The following OOEP variants were observed in gnomAD, a reference collection of about 807,000 sequenced individuals.
The protein encoded by OOEP is oocyte expressed protein.
A neutral mutation model predicts 13.7 loss-of-function variants in OOEP; 16 were observed. The ratio of observed to expected loss-of-function variants is 1.16; its 90% CI spans 0.79 to 1.77. OOEP has a LOEUF of 1.77. OOEP is among the 40% of genes most tolerant of loss of function. OOEP has a pLI of 0.00. For synonymous variants in OOEP, 89 were observed against 77.1 expected (o/e 1.15, Z -0.81); for missense variants, 195 against 193.1 (o/e 1.01, Z -0.06).
upstream of OOEP, among the ~76,000 whole-genome samples, chr6:73,374,856 G>A (rs1216987158): frequency 2.6e-5 from 4 of 152,102 alleles, no homozygotes; most frequent in African/African-American, 9.7e-5. Context: ...ACAGAGTCTC[G>A]CTCTTGTCGC....
At chr6:73,394,428 C>G (rs946455387) in exon 2 of OOEP, 3 of 710,188 alleles carry the variant, frequency 4.2e-6, no homozygotes, top group Non-Finnish European at 7.8e-6. Context: ...GCTGGAAGAT[C>G]ACTTGAAGCC....
chr6:73,373,676 G>A (rs1303039138), upstream of OOEP, among the ~76,000 whole-genome samples: 1 of 151,986 alleles, frequency 6.6e-6, no homozygotes, highest in South Asian at 2.1e-4. Context: ...TGCAACCTCC[G>A]CCTCCTGGGT....
chr6:73,381,971 ACT>A (rs1475752806), intron 2 of OOEP, among the ~76,000 whole-genome samples: 1 of 152,114 alleles, frequency 6.6e-6, no homozygotes, highest in Non-Finnish European at 1.5e-5. Flanking sequence ...ATACAGTGAG[ACT>A]CTGTCTCAAA....
At chr6:73,375,452 C>A (rs970073202) in intron 2 of OOEP, among the ~76,000 whole-genome samples, 5 of 151,906 alleles carry the variant, frequency 3.3e-5, no homozygotes, top group Non-Finnish European at 4.4e-5. Context: ...GTGTCTCATG[C>A]CTTGTAGTCC....
chr6:73,375,243 T>C (rs1186875785), intron 2 of OOEP, among the ~76,000 whole-genome samples: 1 of 152,202 alleles, frequency 6.6e-6, no homozygotes, highest in South Asian at 2.1e-4. Flanking sequence ...GGCACCTCTT[T>C]ACTAAGAGAA....
chr6:73,379,667 CTTATTTTACATG>C (rs1197896598), intron 2 of OOEP, among the ~76,000 whole-genome samples: 1 of 123,830 alleles, frequency 8.1e-6, no homozygotes, highest in Non-Finnish European at 1.7e-5. Context: ...AAAAAGTGGC[CTTATTTTACATG>C]TTTGTAAATC....
At chr6:73,381,205 TAAAAAA>T (rs66507015) in intron 2 of OOEP, among the ~76,000 whole-genome samples, 44 of 100,976 alleles carry the variant, frequency 4.4e-4, no homozygotes, top group African/African-American at 1.5e-3. Context: ...AAAAAAGTGT[TAAAAAA>T]AAAAAAAAAA....
chr6:73,374,697 C>T (rs975956805), upstream of OOEP, among the ~76,000 whole-genome samples: 34 of 152,144 alleles, frequency 2.2e-4, no homozygotes, highest in African/African-American at 7.5e-4. Context: ...GCTGGGATTA[C>T]GACATGAGCC....
intron 2 of OOEP, chr6:73,391,296 G>A (rs1330078676): frequency 6.6e-6 from 1 of 152,632 alleles, no homozygotes; most frequent in Non-Finnish European, 1.5e-5. Flanking sequence ...TTATAACAAA[G>A]AGCTTTCTTA....
chr6:73,383,849 A>C (rs1234979167), intron 2 of OOEP, among the ~76,000 whole-genome samples: 1 of 152,128 alleles, frequency 6.6e-6, no homozygotes, highest in Non-Finnish European at 1.5e-5. Context: ...CTGTAATCAC[A>C]CTTTGGGAGG....
chr6:73,369,085 C>T, intron 2 of OOEP, 121 bp downstream of exon 2: 1 of 1,051,400 alleles, frequency 9.5e-7, no homozygotes, highest in Non-Finnish European at 1.4e-6. Flanking sequence ...GTACAGCTAG[C>T]TCCCTGGGGT....
At chr6:73,372,491 C>T (rs188785126), upstream of OOEP, among the ~76,000 whole-genome samples, 1 of 152,318 alleles carries the variant, frequency 6.6e-6, no homozygotes, top group East Asian at 1.9e-4. Flanking sequence ...CCTCCCTGCT[C>T]AGTGAGAGGC....
At chr6:73,380,678 T>G (rs1173706954) in intron 2 of OOEP, among the ~76,000 whole-genome samples, 1 of 152,216 alleles carries the variant, frequency 6.6e-6, no homozygotes, top group Non-Finnish European at 1.5e-5. Flanking sequence ...ATGATTTATA[T>G]AATTTTTAGT....
At chr6:73,394,768 T>C (rs1388555452) in exon 1 of OOEP, 55 of 1,271,834 alleles carry the variant, frequency 4.3e-5, no homozygotes, top group Non-Finnish European at 2.1e-6. Context: ...ATAGAGAGCG[T>C]GGGCGGGGGG....
rs757354898 is a variant in OOEP at position 73,369,267 on chromosome 6, C to T, written c.309G>A (p.Gln103=). 2 of 1,613,966 alleles carry T rather than the reference C, an allele frequency of 1.2e-6. No individual in the cohort carries two copies. The highest frequency in any genetic ancestry group is 1.7e-6 in the Non-Finnish European group (2 of 1,179,884). ...ACAGGAGCATGCTCTTCACCCGATT[C>T]TGTACACGGGGCCGCCCGAAAACGG... ...EITVFGRPRV[Q]NRVKSMLLCL... is the part of the protein sequence containing the mutation. Residue 103 remains glutamine, a synonymous_variant, in exon 2 of 3, where the codon CAG becomes CAA. Transcript: ENST00000370359.
chr6:73,369,403 A>T lies in OOEP; in HGVS notation c.191-18T>A. 1 of 1,604,692 alleles carries T rather than the reference A, an allele frequency of 6.2e-7. No homozygotes were observed. The highest frequency in any genetic ancestry group is 1.7e-5 in the Admixed American group (1 of 58,302). ...GTCTGGGCCTAAACAAGTAAGGAAA[A>T]ACTCTGAGGGGCTGCACGGTGGCAG... On this transcript the variant is annotated intron_variant, in intron 1 of 2. Coordinates refer to ENST00000370359, the MANE Select transcript of OOEP (RefSeq NM_001080507.3).
intron 2 of OOEP, among the ~76,000 whole-genome samples, chr6:73,393,180 G>A (rs755879232): frequency 1.5e-4 from 22 of 151,176 alleles, no homozygotes; most frequent in African/African-American, 2.4e-4. Flanking sequence ...ACACCATTTC[G>A]GCACTTCGGC....
At position 73,369,335 on chromosome 6, in the gene OOEP, G is replaced by A. The variant is rs375773200; in HGVS notation, c.241C>T (p.Leu81=). The stretch of plus-strand genomic sequence containing the variant: ...CCTGAGTCCACTATGTCCACTGTCA[G>A]CAGGGCCTGGCTCGTCCACTCCATT... ...PEMEWTSQAL[L]TVDIVDSGNL... is the part of the protein sequence containing the mutation. The change falls in exon 2 of 3, where the codon CTG becomes TTG. Residue 81 remains leucine, a synonymous_variant. Transcript: ENST00000370359. The A allele has an allele frequency of 6.2e-7, 1 of 1,613,818 alleles. No individual in the cohort carries two copies.
chr6:73,394,792 G>C (rs968083552), exon 1 of OOEP: 6 of 1,471,758 alleles, frequency 4.1e-6, no homozygotes, highest in Admixed American at 2.2e-5. Context: ...AGCCTCGTGC[G>C]GGCTCCTTAA....
Sources: gnomAD v4.1 joint callset for allele counts (sites outside exome capture counted in the v4.1 genomes callset) on GRCh38, gnomAD v4.1.1 for gene constraint, MANE v1.5 for transcripts, NCBI Gene and HGNC (gene_info 2026-07-23, HGNC 2026-07-21) for gene names.